GAL3ST1: variants seen among roughly 807,000 people sequenced by gnomAD.
GAL3ST1 encodes the protein galactose-3-O-sulfotransferase 1, also known as galactosylceramide sulfotransferase.
Under a neutral mutation model 25.0 loss-of-function variants are expected in GAL3ST1, and 13 were observed. The ratio of observed to expected loss-of-function variants is 0.52; its 90% CI spans 0.34 to 0.83. The LOEUF (loss-of-function observed/expected upper bound fraction) is 0.83, where lower values mean the gene tolerates loss of function less well. Among genes scored for constraint, GAL3ST1 ranks in the 40% least tolerant of loss-of-function variants. The probability of loss-of-function intolerance (pLI) is 0.02; values close to 1 mark genes in which losing one functional copy is unlikely to be tolerated. For missense variants in GAL3ST1, 474 were observed against 613.6 expected, an observed-to-expected ratio of 0.77 and a Z score of 2.40; for synonymous variants, 274 against 277.8, an observed-to-expected ratio of 0.99 and a Z score of 0.14.
At chr22:30,567,631 C>T (rs1465393780) in intron 1 of GAL3ST1, among the ~76,000 whole-genome samples, 5 of 151,918 alleles carry the variant, frequency 3.3e-5, no homozygotes, top group African/African-American at 7.2e-5. Flanking sequence ...TCCCACCTAT[C>T]GATAAATTGT....
chr22:30,573,834 G>A (rs1165012369), intron 1 of GAL3ST1, among the ~76,000 whole-genome samples: 2 of 152,300 alleles, frequency 1.3e-5, no homozygotes, highest in Middle Eastern at 3.4e-3. Context: ...CACCGAAGGG[G>A]CAGATCAAGC....
chr22:30,557,566 C>T (rs900773355), intron 2 of GAL3ST1, 165 bp from the exon 3 acceptor site: 1 of 663,714 alleles, frequency 1.5e-6, no homozygotes, highest in Non-Finnish European at 2.5e-6. Context: ...CTGACAACCA[C>T]CTGGAAAGAG....
rs2085887589 is a variant in GAL3ST1, at chr22:30,554,822, A to AGGG, written c.*128_*130dup. ...CAGTCTTGGCTGGCTGCCTCCCCCC[A>AGGG]GGGAGCCCCCCCTCACCCCGGGGTC... On this transcript the variant is annotated 3_prime_UTR_variant, in exon 4 of 4. Coordinates refer to ENST00000406361, the MANE Select transcript of GAL3ST1 (RefSeq NM_001318104.2). 1.5e-6 allele frequency: 1 copy of AGGG among 659,524 alleles called. No individual in the cohort carries two copies. The highest frequency in any genetic ancestry group is 2.5e-6 in the Non-Finnish European group (1 of 406,622). The allele number at this position is 659,524 out of a possible 1,614,324, so 40.9% of individuals were successfully genotyped here. A position where few individuals can be genotyped will look rare whatever the true frequency, so the allele number is the denominator to read the frequency against.
chr22:30,554,896 C>T lies in GAL3ST1; in HGVS notation c.*57G>A, dbSNP rs2085894600. On this transcript the variant is annotated 3_prime_UTR_variant, in exon 4 of 4. Coordinates refer to ENST00000406361, the MANE Select transcript of GAL3ST1 (RefSeq NM_001318104.2). ...GGGGGCGGCCAGCACCAGCGGCGTC[C>T]TGCTCAGCCCCTCTGCAGGGAGCGA... is the stretch of plus-strand genomic sequence containing the variant. The T allele has an allele frequency of 7.3e-7, 1 of 1,367,166 alleles. No homozygotes were observed. The highest frequency in any genetic ancestry group is 1.5e-5 in the African/African-American group (1 of 68,368). 84.7% of individuals were successfully genotyped at this position (1,367,166 alleles called of 1,614,324 possible). A position where few individuals can be genotyped will look rare whatever the true frequency, so the allele number is the denominator to read the frequency against.
chr22:30,560,060 G>C (rs971435382), intron 1 of GAL3ST1, among the ~76,000 whole-genome samples: 3 of 152,176 alleles, frequency 2.0e-5, no homozygotes, highest in East Asian at 3.8e-4. Context: ...TTGAGCCTGG[G>C]GGGCAGAGGT....
In GAL3ST1 at chr22:30,556,089, G is replaced by A. The variant is rs750916024; in HGVS notation, c.136C>T (p.Pro46Ser). Residue 46 changes from proline (P) to serine (S), a missense_variant, in exon 4 of 4, where the codon CCG becomes TCG. Pro to Ser is a moderately conservative substitution (Grantham distance 74, BLOSUM62 -1). Coordinates refer to ENST00000406361, the MANE Select transcript of GAL3ST1 (RefSeq NM_001318104.2). ...GGAGAGCAGGACGCTGCGGCCTCCGGGGTCCTGCTGGGGACAGAGAGGTGG... is the reference window on the plus strand; with the variant it reads ...GGAGAGCAGGACGCTGCGGCCTCCGAGGTCCTGCTGGGGACAGAGAGGTGG... ...PLHAGLASTTPEAAASCSPPA... is the reference protein window; with the variant it reads ...PLHAGLASTTSEAAASCSPPA... The A allele has an allele frequency of 1.2e-6, 2 of 1,601,034 alleles. No individual in the cohort carries two copies. Among genetic ancestry groups the A allele is most frequent in the South Asian group, 2.2e-5 (2 of 90,762 alleles).
At chr22:30,572,116 G>A (rs1007065462) in intron 1 of GAL3ST1, among the ~76,000 whole-genome samples, 3 of 152,182 alleles carry the variant, frequency 2.0e-5, no homozygotes, top group African/African-American at 7.2e-5. Context: ...GCAAGTCACA[G>A]CTTCACCAAG....
chr22:30,569,091 A>AG, intron 1 of GAL3ST1, among the ~76,000 whole-genome samples: 1 of 151,532 alleles, frequency 6.6e-6, no homozygotes, highest in East Asian at 1.9e-4. Flanking sequence ...AAAAAAAAAA[A>AG]AAAAAGAGGG....
intron 1 of GAL3ST1, among the ~76,000 whole-genome samples, chr22:30,558,612 G>T (rs985989682): frequency 2.6e-5 from 4 of 152,058 alleles, no homozygotes; most frequent in African/African-American, 7.2e-5. Context: ...AAGAGCCCAG[G>T]GCTCTTCTCT....
At chr22:30,571,807 T>G (rs367852342) in intron 1 of GAL3ST1, among the ~76,000 whole-genome samples, 11 of 152,286 alleles carry the variant, frequency 7.2e-5, no homozygotes, top group African/African-American at 2.4e-4. Context: ...GAGCTTGCAG[T>G]GAGCCGAGAT....
chr22:30,556,639 G>C (rs959214485), intron 3 of GAL3ST1, among the ~76,000 whole-genome samples: 1 of 152,156 alleles, frequency 6.6e-6, no homozygotes, highest in Non-Finnish European at 1.5e-5. Context: ...CCAGGGCCCC[G>C]TTGGCATCTC....
intron 1 of GAL3ST1, among the ~76,000 whole-genome samples, chr22:30,570,624 C>A (rs1431418381): frequency 6.6e-6 from 1 of 152,124 alleles, no homozygotes; most frequent in African/African-American, 2.4e-5. Flanking sequence ...GGAGAAACCC[C>A]ATCTCTACTA....
chr22:30,560,318 C>A (rs1319499137), intron 1 of GAL3ST1: 1 of 152,174 alleles, frequency 6.6e-6, no homozygotes. Context: ...CAATCCAGCA[C>A]TGTGATTTCA....
chr22:30,562,339 C>A (rs963531406), intron 1 of GAL3ST1, among the ~76,000 whole-genome samples: 2 of 152,044 alleles, frequency 1.3e-5, no homozygotes, highest in Non-Finnish European at 2.9e-5. Context: ...CCATGCCCAG[C>A]TAAGTTTTTA....
chr22:30,571,486 C>T (rs1357749612), intron 1 of GAL3ST1, among the ~76,000 whole-genome samples: 1 of 152,138 alleles, frequency 6.6e-6, no homozygotes, highest in East Asian at 1.9e-4. Context: ...GGTAGCTGGC[C>T]CAGCAGTTGA....
chr22:30,562,894 A>G (rs1400996841), intron 1 of GAL3ST1, among the ~76,000 whole-genome samples: 2 of 152,230 alleles, frequency 1.3e-5, no homozygotes, highest in African/African-American at 4.8e-5. Flanking sequence ...AGACAGGCAG[A>G]TCACGAGGTC....
intron 3 of GAL3ST1, 49 bp downstream of exon 3, chr22:30,557,213 C>T (rs1378039098): frequency 1.9e-6 from 3 of 1,593,414 alleles, no homozygotes; most frequent in African/African-American, 1.3e-5. Context: ...GGGTGGGGTG[C>T]CATCCCTCCC....
At chr22:30,557,210 G>A (rs2086092441) in intron 3 of GAL3ST1, 52 bp downstream of exon 3, 6 of 1,599,448 alleles carry the variant, frequency 3.8e-6, no homozygotes, top group Non-Finnish European at 3.4e-6. Flanking sequence ...CATGGGTGGG[G>A]TGCCATCCCT....
intron 2 of GAL3ST1, chr22:30,557,677 GT>G: frequency 3.1e-6 from 1 of 325,908 alleles, no homozygotes; most frequent in Non-Finnish European, 5.6e-6. Context: ...AATGAACCGG[GT>G]AGAGAACCAG....
Sources: gnomAD v4.1 joint callset for allele counts (sites outside exome capture counted in the v4.1 genomes callset) on GRCh38, gnomAD v4.1.1 for gene constraint, MANE v1.5 for transcripts, NCBI Gene and HGNC (gene_info 2026-07-23, HGNC 2026-07-21) for gene names.